Variants in CDH13 observed in about 807,000 individuals in gnomAD.
The protein encoded by CDH13 is cadherin 13, also known as cadherin-13.
Under a neutral mutation model 63.8 loss-of-function variants are expected in CDH13, and 24 were observed. The ratio of observed to expected loss-of-function variants is 0.38; its 90% CI spans 0.27 to 0.53. The LOEUF (loss-of-function observed/expected upper bound fraction) is 0.53, where lower values mean the gene tolerates loss of function less well. CDH13 is among the 20% of genes least tolerant of loss of function. The pLI, the probability that CDH13 is intolerant of heterozygous loss-of-function variation, is 0.85. For missense variants in CDH13, 1,049 were observed against 903.1 expected, an observed-to-expected ratio of 1.16 and a Z score of -2.07; for synonymous variants, 503 against 355.3, an observed-to-expected ratio of 1.42 and a Z score of -4.67.
At chr16:83,559,552 C>G (rs909416471) in intron 7 of CDH13, among the ~76,000 whole-genome samples, 7 of 139,318 alleles carry the variant, frequency 5.0e-5, no homozygotes, top group African/African-American at 1.4e-4. Flanking sequence ...GCTTGGGCAA[C>G]AAGAGCGAAA....
intron 3 of CDH13, among the ~76,000 whole-genome samples, chr16:83,115,075 A>T (rs2035231429): frequency 6.6e-6 from 1 of 152,198 alleles, no homozygotes; most frequent in Non-Finnish European, 1.5e-5. Flanking sequence ...ATCTAGTTAT[A>T]CCTGAATAAA....
chr16:83,779,437 A>AAAAAAAAAC (rs1915360721), intron 11 of CDH13, among the ~76,000 whole-genome samples: 2 of 147,082 alleles, frequency 1.4e-5, no homozygotes, highest in Non-Finnish European at 1.5e-5. Flanking sequence ...AAAAAAAAAA[A>AAAAAAAAAC]AGTCTTATAT....
chr16:83,316,211 C>A lies in CDH13; in HGVS notation c.637-28651C>A, dbSNP rs191408841. ...ACCCCCATGATCTGATCACCTCCCA[C>A]GAGGTCCCTCCCCAAACACGTGGGG... is the stretch of plus-strand genomic sequence containing the variant. On this transcript the variant is annotated intron_variant, in intron 5 of 13. Coordinates refer to ENST00000567109, the MANE Select transcript of CDH13 (RefSeq NM_001257.5). Among the ~76,000 whole-genome samples, 324 of 152,296 alleles carry A rather than the reference C, an allele frequency of 2.1e-3. 1 individual carries two copies. The highest frequency in any genetic ancestry group is 7.5e-3 in the African/African-American group (311 of 41,548).
chr16:82,647,574 C>G (rs896512933), intron 1 of CDH13, among the ~76,000 whole-genome samples: 2 of 152,086 alleles, frequency 1.3e-5, no homozygotes, highest in Admixed American at 6.5e-5. Flanking sequence ...TACCTGCTTC[C>G]AAGCCATCCC....
intron 3 of CDH13, among the ~76,000 whole-genome samples, chr16:83,079,252 T>C (rs547670660): frequency 1.1e-4 from 16 of 152,250 alleles, no homozygotes; most frequent in Non-Finnish European, 2.1e-4. Context: ...TAAATTTGAA[T>C]GGCTTTAGAA....
At chr16:83,037,365 T>C (rs149560882) in intron 3 of CDH13, among the ~76,000 whole-genome samples, 168 of 152,300 alleles carry the variant, frequency 1.1e-3, no homozygotes, top group Non-Finnish European at 2.1e-3. Context: ...CCCATTCTCC[T>C]TCCTGCCACT....
intron 3 of CDH13, among the ~76,000 whole-genome samples, chr16:83,058,466 A>G (rs1484193978): frequency 6.6e-6 from 1 of 152,172 alleles, no homozygotes; most frequent in Non-Finnish European, 1.5e-5. Flanking sequence ...CAACAGATGC[A>G]TTCTTGTGAC....
chr16:83,708,697 G>A (rs574799409), intron 10 of CDH13, among the ~76,000 whole-genome samples: 13 of 152,296 alleles, frequency 8.5e-5, no homozygotes, highest in African/African-American at 3.1e-4. Context: ...TAGATCATCA[G>A]GATACACCCA....
At chr16:82,756,292 A>C (rs2034608245) in intron 1 of CDH13, among the ~76,000 whole-genome samples, 1 of 152,178 alleles carries the variant, frequency 6.6e-6, no homozygotes. Flanking sequence ...AAGAAGGCCA[A>C]GTGAAAAGTG....
chr16:82,671,514 C>G (rs904246919), intron 1 of CDH13, among the ~76,000 whole-genome samples: 1 of 152,102 alleles, frequency 6.6e-6, no homozygotes, highest in Non-Finnish European at 1.5e-5. Context: ...ACGATTACAC[C>G]TATACCTTCA....
chr16:83,551,403 C>A (rs1437377973), intron 7 of CDH13, among the ~76,000 whole-genome samples: 4 of 152,204 alleles, frequency 2.6e-5, no homozygotes, highest in African/African-American at 7.2e-5. Context: ...CATGTTACAA[C>A]CCTGCTTTAC....
At chr16:82,793,610 C>T (rs558727875) in intron 1 of CDH13, among the ~76,000 whole-genome samples, 4 of 152,244 alleles carry the variant, frequency 2.6e-5, no homozygotes, top group African/African-American at 9.6e-5. Flanking sequence ...AAACTCAAAA[C>T]CCTGAAAGTA....
At chr16:82,989,901 G>T (rs1056489060) in intron 2 of CDH13, among the ~76,000 whole-genome samples, 1 of 151,928 alleles carries the variant, frequency 6.6e-6, no homozygotes, top group African/African-American at 2.4e-5. Flanking sequence ...CTAGCCCCAC[G>T]TCTCCGTTCA....
chr16:83,081,510 T>C (rs2033251238), intron 3 of CDH13, among the ~76,000 whole-genome samples: 1 of 152,228 alleles, frequency 6.6e-6, no homozygotes, highest in African/African-American at 2.4e-5. Flanking sequence ...TGATTTCTCC[T>C]TAGTTTGGGC....
At chr16:83,712,373 C>T (rs929933547) in intron 10 of CDH13, among the ~76,000 whole-genome samples, 2 of 152,146 alleles carry the variant, frequency 1.3e-5, no homozygotes, top group African/African-American at 4.8e-5. Flanking sequence ...CCTGCTTTAG[C>T]ATTGAAAACA....
chr16:83,186,765 A>T (rs2038538895), intron 4 of CDH13, among the ~76,000 whole-genome samples: 1 of 152,084 alleles, frequency 6.6e-6, no homozygotes, highest in African/African-American at 2.4e-5. Flanking sequence ...GACTTGAAAG[A>T]ATGAGACAAG....
intron 3 of CDH13, among the ~76,000 whole-genome samples, chr16:83,087,569 G>A (rs1206825730): frequency 6.8e-6 from 1 of 147,820 alleles, no homozygotes; most frequent in Non-Finnish European, 1.5e-5. Context: ...TCAGGAGGCT[G>A]ATGCAGCAGA....
chr16:82,707,607 G>A (rs1035782552), intron 1 of CDH13, among the ~76,000 whole-genome samples: 1 of 152,200 alleles, frequency 6.6e-6, no homozygotes, highest in Admixed American at 6.5e-5. Context: ...GGTGCAGAGG[G>A]TGTGTGGATT....
intron 7 of CDH13, among the ~76,000 whole-genome samples, chr16:83,527,518 C>T (rs1223506815): frequency 2.0e-5 from 3 of 152,110 alleles, no homozygotes; most frequent in Non-Finnish European, 4.4e-5. Flanking sequence ...GCGTTAACCG[C>T]AGCACAGGGA....
Sources: allele counts gnomAD v4.1 joint callset (sites outside exome capture counted in the v4.1 genomes callset), GRCh38; gene constraint gnomAD v4.1.1; transcripts MANE v1.5; gene names NCBI Gene and HGNC (gene_info 2026-07-23, HGNC 2026-07-21).